Variants in FBXL17 observed in about 807,000 individuals in gnomAD.
FBXL17 encodes F-box/LRR-repeat protein 17.
A neutral mutation model predicts 66.2 loss-of-function variants in FBXL17; 22 were observed. The ratio of observed to expected loss-of-function variants is 0.33; its 90% CI spans 0.24 to 0.47. The LOEUF (loss-of-function observed/expected upper bound fraction) is 0.47, where lower values mean the gene tolerates loss of function less well. Among genes scored for constraint, FBXL17 ranks in the 20% least tolerant of loss-of-function variants. FBXL17 has a pLI of 1.00. For synonymous variants in FBXL17, 474 were observed against 400.5 expected (o/e 1.18, Z -2.19); for missense variants, 878 against 948.2 (o/e 0.93, Z 0.97).
intron 5 of FBXL17, among the ~76,000 whole-genome samples, chr5:108,198,711 A>G (rs1202556062): frequency 6.6e-6 from 1 of 152,210 alleles, no homozygotes; most frequent in Non-Finnish European, 1.5e-5. Context: ...AGGCAACAGC[A>G]TTTGGTCCAC....
chr5:108,166,682 T>A (rs1057433288), intron 6 of FBXL17, among the ~76,000 whole-genome samples: 1 of 152,182 alleles, frequency 6.6e-6, no homozygotes, highest in African/African-American at 2.4e-5. Flanking sequence ...GTCAAGAGCT[T>A]GCTGGCAGAA....
Position 108,281,427 on chromosome 5 carries a change from T to C in FBXL17, c.1507-57199A>G, listed in dbSNP as rs1312404115. ...ACATGGAAATTACACAACATACTCC[T>C]GAATGAACACTGGGTCAATGAAGAA... On this transcript the variant is annotated intron_variant, in intron 4 of 8. Transcript: ENST00000542267. Among the ~76,000 whole-genome samples the C allele has an allele frequency of 3.9e-5, 6 of 151,938 alleles. No homozygotes were observed. In the South Asian group the frequency reaches 6.2e-4, roughly 16 times the overall value.
At chr5:107,953,882 TC>T (rs1324104714) in intron 7 of FBXL17, among the ~76,000 whole-genome samples, 1 of 152,244 alleles carries the variant, frequency 6.6e-6, no homozygotes, top group East Asian at 1.9e-4. Flanking sequence ...AATTTCTCTT[TC>T]CTCTAAAATC....
intron 8 of FBXL17, among the ~76,000 whole-genome samples, chr5:107,877,250 T>C (rs1341408616): frequency 6.6e-6 from 1 of 152,198 alleles, no homozygotes; most frequent in Non-Finnish European, 1.5e-5. Context: ...ACTGGAGGAC[T>C]CCTCCCCAGG....
At chr5:108,233,360 C>T (rs977441998) in intron 4 of FBXL17, among the ~76,000 whole-genome samples, 3 of 152,040 alleles carry the variant, frequency 2.0e-5, no homozygotes, top group African/African-American at 7.3e-5. Flanking sequence ...AGACGATACA[C>T]TATAGAGGAA....
chr5:108,379,421 A>G (rs1472610261), intron 1 of FBXL17, among the ~76,000 whole-genome samples: 4 of 152,236 alleles, frequency 2.6e-5, no homozygotes, highest in Admixed American at 6.5e-5. Flanking sequence ...GTAGACCTCC[A>G]TAAGAATTAG....
intron 8 of FBXL17, among the ~76,000 whole-genome samples, chr5:107,870,993 G>A (rs948100274): frequency 1.4e-5 from 2 of 142,214 alleles, no homozygotes; most frequent in Non-Finnish European, 3.0e-5. Flanking sequence ...ACCTCATACC[G>A]GTAGCCTGGG....
chr5:108,320,848 G>A (rs1006996674), intron 4 of FBXL17, among the ~76,000 whole-genome samples: 2 of 151,722 alleles, frequency 1.3e-5, no homozygotes, highest in Admixed American at 6.6e-5. Context: ...AAACAAATTC[G>A]CTTTGTAACA....
chr5:108,110,777 A>G (rs456026), intron 6 of FBXL17, among the ~76,000 whole-genome samples: 50,875 of 151,566 alleles, frequency 0.34, 8,908 homozygotes, highest in East Asian at 0.55. Flanking sequence ...TTGTGCCTCA[A>G]AGTTTTCACA....
At chr5:107,920,998 T>C (rs990929903) in intron 7 of FBXL17, among the ~76,000 whole-genome samples, 2 of 152,062 alleles carry the variant, frequency 1.3e-5, no homozygotes, top group Non-Finnish European at 2.9e-5. Flanking sequence ...TGAAAAAAAA[T>C]ACATACTATT....
rs867652632 is a variant in FBXL17 at position 108,089,317 on chromosome 5, C to T, written c.1746-68316G>A. ...TTAATATGGCTACAAGGCCAGACAT[C>T]TTCTGGCTTTTGCCTCAATTTCCAT... On this transcript the variant is annotated intron_variant, in intron 6 of 8. Coordinates refer to ENST00000542267, the MANE Select transcript of FBXL17 (RefSeq NM_001163315.3). Among the ~76,000 whole-genome samples the T allele has an allele frequency of 5.9e-5, 9 of 152,318 alleles. No homozygotes were observed. The Middle Eastern group carries it at 0.01, about 173-fold the overall frequency.
chr5:108,081,801 G>T (rs1373030051), intron 6 of FBXL17, among the ~76,000 whole-genome samples: 2 of 152,096 alleles, frequency 1.3e-5, no homozygotes, highest in Non-Finnish European at 2.9e-5. Flanking sequence ...TTCAAGCTTT[G>T]CTTCACACAT....
intron 6 of FBXL17, among the ~76,000 whole-genome samples, chr5:108,108,814 G>C (rs1015833273): frequency 1.4e-5 from 2 of 139,222 alleles, no homozygotes; most frequent in Admixed American, 7.6e-5. Context: ...ACAGAGTTTC[G>C]CTCTTGTTGC....
At chr5:108,097,819 T>C (rs544097214) in intron 6 of FBXL17, among the ~76,000 whole-genome samples, 2 of 152,148 alleles carry the variant, frequency 1.3e-5, no homozygotes, top group African/African-American at 4.8e-5. Flanking sequence ...CAGAGGTGTC[T>C]TTCCTGACTA....
chr5:107,960,539 C>T (rs1751860143), intron 7 of FBXL17, among the ~76,000 whole-genome samples: 1 of 152,080 alleles, frequency 6.6e-6, no homozygotes, highest in South Asian at 2.1e-4. Flanking sequence ...TAGATTTCAA[C>T]TTTAGATTTC....
At position 108,244,952 on chromosome 5, in the gene FBXL17, T is replaced by C. The variant is rs189887746; in HGVS notation, c.1507-20724A>G. Among the ~76,000 whole-genome samples, 37 of 152,246 alleles carry C rather than the reference T, an allele frequency of 2.4e-4. No homozygotes were observed. In the East Asian group the frequency reaches 6.9e-3, roughly 29 times the overall value. On this transcript the variant is annotated intron_variant, in intron 4 of 8. Transcript: ENST00000542267. ...GCAGCATATTCTACTGTTGTTAAAG[T>C]CTCTGGAAAGCAGAACAATGTGTAT...
chr5:108,303,845 G>C (rs55896795), intron 4 of FBXL17, among the ~76,000 whole-genome samples: 1 of 151,698 alleles, frequency 6.6e-6, no homozygotes, highest in Admixed American at 6.6e-5. Context: ...TAGAATGTAT[G>C]CTTGTATATT....
At chr5:108,116,688 T>A (rs1205138958) in intron 6 of FBXL17, among the ~76,000 whole-genome samples, 1 of 151,472 alleles carries the variant, frequency 6.6e-6, no homozygotes, top group African/African-American at 2.4e-5. Context: ...TAAAACAAGT[T>A]AATAAGATAA....
intron 7 of FBXL17, among the ~76,000 whole-genome samples, chr5:107,918,602 T>C (rs1750210510): frequency 6.6e-6 from 1 of 152,234 alleles, no homozygotes; most frequent in African/African-American, 2.4e-5. Context: ...CCTATATTAC[T>C]GCTTTCTATA....
Sources: allele counts gnomAD v4.1 joint callset (sites outside exome capture counted in the v4.1 genomes callset), GRCh38; gene constraint gnomAD v4.1.1; transcripts MANE v1.5; gene names NCBI Gene and HGNC (gene_info 2026-07-23, HGNC 2026-07-21).